COQ5: variants seen among roughly 807,000 people sequenced by gnomAD.
The protein encoded by COQ5 is coenzyme Q5, methyltransferase, also known as 2-methoxy-6-polyprenyl-1,4-benzoquinol methylase, mitochondrial.
Under a neutral mutation model 40.5 loss-of-function variants are expected in COQ5, and 27 were observed. That is an observed-to-expected ratio of 0.67 (90% confidence interval 0.49 to 0.92). The LOEUF (loss-of-function observed/expected upper bound fraction) is 0.92. COQ5 is among the 40% of genes least tolerant of loss of function. COQ5 has a pLI of 0.00. For synonymous variants in COQ5, 141 were observed against 150.0 expected (o/e 0.94, Z 0.44); for missense variants, 409 against 406.4 (o/e 1.01, Z -0.06).
intron 2 of COQ5, 113 bp from the exon 3 acceptor site, chr12:120,516,901 G>T: frequency 1.1e-6 from 1 of 900,936 alleles, no homozygotes. Flanking sequence ...ACCTGTGTTA[G>T]CTAACTGGAT....
chr12:120,527,250 T>A (rs927985803), intron 1 of COQ5: 1 of 151,596 alleles, frequency 6.6e-6, no homozygotes, highest in Non-Finnish European at 1.5e-5. Flanking sequence ...GCTTGGCTAA[T>A]TTTTTTTGTA....
chr12:120,509,353 C>T (rs1869024040), intron 4 of COQ5, among the ~76,000 whole-genome samples: 1 of 151,994 alleles, frequency 6.6e-6, no homozygotes, highest in Non-Finnish European at 1.5e-5. Context: ...CCCATCTCTA[C>T]AAAAAATAAA....
intron 3 of COQ5, among the ~76,000 whole-genome samples, chr12:120,514,984 G>T (rs1047434775): frequency 1.3e-5 from 2 of 151,922 alleles, no homozygotes; most frequent in Non-Finnish European, 2.9e-5. Context: ...TAGAGACAGG[G>T]TTTCTCCATA....
chr12:120,509,931 C>T, intron 4 of COQ5, 86 bp downstream of exon 4: 1 of 1,116,894 alleles, frequency 9.0e-7, no homozygotes, highest in Non-Finnish European at 1.4e-6. Flanking sequence ...AAAAACAAAA[C>T]TCTCCTTCTT....
chr12:120,527,561 A>G (rs1593028096), intron 1 of COQ5, among the ~76,000 whole-genome samples: 1 of 152,330 alleles, frequency 6.6e-6, no homozygotes, highest in Middle Eastern at 3.4e-3. Context: ...TACTGTGCAC[A>G]GCGAGGACTG....
At chr12:120,517,047 A>ACT in intron 2 of COQ5, among the ~76,000 whole-genome samples, 1 of 137,538 alleles carries the variant, frequency 7.3e-6, no homozygotes, top group East Asian at 2.1e-4. Context: ...TTCAACACTA[A>ACT]CTTTTTTTTT....
intron 4 of COQ5, among the ~76,000 whole-genome samples, chr12:120,505,976 C>T (rs188385407): frequency 1.1e-4 from 17 of 152,214 alleles, no homozygotes; most frequent in Admixed American, 5.9e-4. Context: ...TTGCCTCAGA[C>T]TCCCAGGTAG....
intron 4 of COQ5, among the ~76,000 whole-genome samples, chr12:120,507,085 C>T (rs1291022167): frequency 1.3e-5 from 2 of 152,074 alleles, no homozygotes; most frequent in African/African-American, 2.4e-5. Context: ...CTGCCCGCCT[C>T]GGCCTCCCGA....
chr12:120,523,980 A>C, intron 1 of COQ5: 1 of 363,660 alleles, frequency 2.7e-6, no homozygotes, highest in Admixed American at 3.5e-5. Flanking sequence ...ACTGCATTCC[A>C]GCCTGGGCGA....
chr12:120,526,611 G>C, intron 1 of COQ5: 1 of 267,358 alleles, frequency 3.7e-6, no homozygotes, highest in South Asian at 3.5e-5. Context: ...TAAAAACTTA[G>C]AAAGAAATAT....
chr12:120,519,486 G>A (rs1306154551), intron 2 of COQ5, among the ~76,000 whole-genome samples: 1 of 152,172 alleles, frequency 6.6e-6, no homozygotes, highest in Non-Finnish European at 1.5e-5. Flanking sequence ...CTTTAACCCA[G>A]GAGGCGGAGG....
rs1213974178 is a variant in COQ5, at chr12:120,529,013, C to T, written c.129G>A (p.Leu43=). 1 of 1,613,992 alleles carries T rather than the reference C, an allele frequency of 6.2e-7. No individual in the cohort carries two copies. The highest frequency in any genetic ancestry group is 1.3e-5 in the African/African-American group (1 of 74,882). Residue 43 remains leucine (L), a synonymous_variant, in exon 1 of 7, where the codon TTG becomes TTA. Coordinates refer to ENST00000288532, the MANE Select transcript of COQ5 (RefSeq NM_032314.4). ...WPGDLLSARL[L]SQEKRAAETH... is the part of the protein sequence containing the mutation. Reference sequence around the variant, plus strand: ...TTTCCGCTGCCCGCTTCTCTTGGGACAAGAGCCGAGCACTTAGTAGGTCCC... The same window carrying T: ...TTTCCGCTGCCCGCTTCTCTTGGGATAAGAGCCGAGCACTTAGTAGGTCCC...
At chr12:120,525,198 C>G (rs1869881700) in intron 1 of COQ5, among the ~76,000 whole-genome samples, 1 of 152,118 alleles carries the variant, frequency 6.6e-6, no homozygotes, top group Non-Finnish European at 1.5e-5. Context: ...CTTCTAGGTT[C>G]AAGTGATTCT....
chr12:120,513,051 C>T (rs980677478), intron 3 of COQ5, among the ~76,000 whole-genome samples: 2 of 150,972 alleles, frequency 1.3e-5, no homozygotes, highest in African/African-American at 2.4e-5. Context: ...CCACCTGCCT[C>T]GGCCTCCCAA....
chr12:120,522,797 C>A, intron 1 of COQ5: 1 of 668,698 alleles, frequency 1.5e-6, no homozygotes, highest in Non-Finnish European at 2.7e-6. Context: ...GGAATGAGCA[C>A]ATTTCCCAAG....
At chr12:120,523,847 T>G in intron 1 of COQ5, 1 of 337,812 alleles carries the variant, frequency 3.0e-6, no homozygotes, top group South Asian at 2.1e-5. Context: ...CTGTCTCTAG[T>G]AAAAACACAA....
intron 3 of COQ5, 55 bp downstream of exon 3, chr12:120,516,512 C>T (rs1869377597): frequency 5.1e-6 from 7 of 1,378,432 alleles, no homozygotes; most frequent in Admixed American, 1.7e-5. Context: ...CATATTCCAC[C>T]TTATTCTATA....
chr12:120,509,225 T>A (rs1869019292), intron 4 of COQ5, among the ~76,000 whole-genome samples: 1 of 150,994 alleles, frequency 6.6e-6, no homozygotes, highest in Admixed American at 6.6e-5. Context: ...AATATTAAAG[T>A]AGGAATAAAG....
chr12:120,522,180 C>A, intron 2 of COQ5, 34 bp downstream of exon 2: 1 of 1,612,746 alleles, frequency 6.2e-7, no homozygotes, highest in South Asian at 1.1e-5. Context: ...AAAACATGCT[C>A]AATGGTAGTG....
Sources: gnomAD v4.1 joint callset for allele counts (sites outside exome capture counted in the v4.1 genomes callset) on GRCh38, gnomAD v4.1.1 for gene constraint, MANE v1.5 for transcripts, NCBI Gene and HGNC (gene_info 2026-07-23, HGNC 2026-07-21) for gene names.